Variants in SLC4A1AP observed in about 807,000 individuals in gnomAD.
SLC4A1AP encodes the protein kanadaptin.
In SLC4A1AP, 64 loss-of-function variants were observed where a neutral mutation model predicts 89.7. That is an observed-to-expected ratio of 0.71 (90% CI 0.58 to 0.88). The LOEUF (loss-of-function observed/expected upper bound fraction) is 0.88, where lower values mean the gene tolerates loss of function less well. SLC4A1AP is among the 40% of genes least tolerant of loss of function. The pLI is 0.00. For synonymous variants in SLC4A1AP, 366 were observed against 353.3 expected (o/e 1.04, Z -0.40); for missense variants, 931 against 965.0 (o/e 0.96, Z 0.47).
At chr2:27,669,181 C>T (rs1675381265) in intron 4 of SLC4A1AP, 67 bp from the exon 5 acceptor site, 1 of 1,477,714 alleles carries the variant, frequency 6.8e-7, no homozygotes, top group Non-Finnish European at 9.1e-7. Flanking sequence ...ATTATCATAG[C>T]ATAGTAGTTG....
chr2:27,670,852 C>G (rs575028896), intron 5 of SLC4A1AP, among the ~76,000 whole-genome samples: 27 of 151,490 alleles, frequency 1.8e-4, no homozygotes, highest in Admixed American at 3.9e-4. Flanking sequence ...CAGAGCAAGA[C>G]TCCGTCTCAA....
intron 8 of SLC4A1AP, among the ~76,000 whole-genome samples, chr2:27,680,037 T>C (rs1423665152): frequency 6.6e-6 from 1 of 152,096 alleles, no homozygotes; most frequent in East Asian, 1.9e-4. Context: ...CAACCCTTCA[T>C]TGGTCATAGG....
intron 4 of SLC4A1AP, 132 bp downstream of exon 4, chr2:27,669,035 G>T: frequency 9.3e-7 from 1 of 1,070,258 alleles, no homozygotes. Flanking sequence ...AGCCTTTATC[G>T]TTTAGTAACC....
At chr2:27,684,950 G>T in intron 9 of SLC4A1AP, 87 bp from the exon 10 acceptor site, 1 of 1,441,266 alleles carries the variant, frequency 6.9e-7, no homozygotes. Flanking sequence ...TAAACATTCA[G>T]TACATTTAGA....
At position 27,688,039 on chromosome 2, in the gene SLC4A1AP, T is replaced by A; in HGVS notation, c.2203+19T>A. On this transcript the variant is annotated intron_variant, in intron 11 of 13. Coordinates refer to ENST00000613058, the Ensembl canonical transcript of SLC4A1AP. ...CCCTCAGGCAAGTAGTACGGCAGCC[T>A]TCATTGCTGCTCTGCACACAGGTGG... The A allele has an allele frequency of 6.4e-7, 1 of 1,574,104 alleles. No homozygotes were observed. The highest frequency in any genetic ancestry group is 1.1e-5 in the South Asian group (1 of 90,552).
At chr2:27,676,497 ATAAAT>A (rs781326093) in intron 6 of SLC4A1AP, among the ~76,000 whole-genome samples, 18 of 152,198 alleles carry the variant, frequency 1.2e-4, no homozygotes, top group Non-Finnish European at 2.2e-4. Flanking sequence ...TAATTCAGAA[ATAAAT>A]TAAATTTGGA....
At chr2:27,664,494 C>G in exon 1 of SLC4A1AP, 1 of 1,614,190 alleles carries the variant, frequency 6.2e-7, no homozygotes, top group South Asian at 1.1e-5. Flanking sequence ...CAACAAAACT[C>G]GCATCCCACC....
chr2:27,667,431 A>G (rs554044918), intron 3 of SLC4A1AP, 41 bp downstream of exon 3: 4 of 1,565,352 alleles, frequency 2.6e-6, no homozygotes, highest in Non-Finnish European at 3.5e-6. Flanking sequence ...AAACATATCC[A>G]GAGCAGTGTG....
At chr2:27,664,206 C>T in exon 1 of SLC4A1AP, 1 of 1,614,072 alleles carries the variant, frequency 6.2e-7, no homozygotes, top group African/African-American at 1.3e-5. Flanking sequence ...AGCCCGGGCT[C>T]CCCCCTACCA....
intron 10 of SLC4A1AP, among the ~76,000 whole-genome samples, chr2:27,686,302 A>AG (rs1258201349): frequency 6.6e-6 from 1 of 152,202 alleles, no homozygotes; most frequent in East Asian, 1.9e-4. Flanking sequence ...CTTTTCAAAA[A>AG]GGTACTTACA....
intron 13 of SLC4A1AP, 143 bp downstream of exon 13, chr2:27,693,897 C>G: frequency 3.9e-6 from 2 of 517,932 alleles, no homozygotes; most frequent in South Asian, 1.1e-4. Flanking sequence ...CTTATTCAAA[C>G]AAACAACTGT....
chr2:27,675,817 AT>A (rs1295954873), intron 6 of SLC4A1AP, 125 bp downstream of exon 6: 1 of 613,384 alleles, frequency 1.6e-6, no homozygotes, highest in Non-Finnish European at 2.5e-6. Context: ...ATACTGAAGT[AT>A]AACTTTTGTG....
chr2:27,676,203 A>G (rs1675519664), intron 6 of SLC4A1AP, among the ~76,000 whole-genome samples: 1 of 152,220 alleles, frequency 6.6e-6, no homozygotes, highest in Admixed American at 6.5e-5. Context: ...TTAATAATGC[A>G]GAGCTTGACC....
chr2:27,669,177 A>G (rs1421850730), intron 4 of SLC4A1AP, 71 bp from the exon 5 acceptor site: 16 of 1,466,920 alleles, frequency 1.1e-5, no homozygotes, highest in Non-Finnish European at 1.3e-5. Flanking sequence ...GACTATTATC[A>G]TAGCATAGTA....
At chr2:27,683,239 ATGTC>A (rs1675648794) in intron 9 of SLC4A1AP, among the ~76,000 whole-genome samples, 1 of 152,144 alleles carries the variant, frequency 6.6e-6, no homozygotes, top group African/African-American at 2.4e-5. Context: ...CCTACAATAT[ATGTC>A]TGTCTGTATG....
chr2:27,688,631 G>T, intron 11 of SLC4A1AP, 69 bp from the exon 12 acceptor site: 1 of 981,564 alleles, frequency 1.0e-6, no homozygotes, highest in Non-Finnish European at 1.6e-6. Context: ...GTTCTTTTAG[G>T]AAGAATTTTG....
At chr2:27,676,595 G>A (rs768762592) in intron 6 of SLC4A1AP, among the ~76,000 whole-genome samples, 1 of 152,064 alleles carries the variant, frequency 6.6e-6, no homozygotes, top group Non-Finnish European at 1.5e-5. Flanking sequence ...GCTGAGGCCG[G>A]TGGATCACCT....
chr2:27,666,811 C>T (rs1459077404), intron 2 of SLC4A1AP, among the ~76,000 whole-genome samples: 5 of 151,808 alleles, frequency 3.3e-5, no homozygotes, highest in African/African-American at 9.7e-5. Flanking sequence ...GGTTGTTCCA[C>T]CCCCTGTCCC....
Position 27,675,632 on chromosome 2 carries a change from T to G in SLC4A1AP, c.1446T>G (p.Arg482=), listed in dbSNP as rs760031902. 5.0e-6 allele frequency: 8 copies of G among 1,609,676 alleles called. No homozygotes were observed. In the East Asian group the frequency reaches 1.1e-4, roughly 22 times the overall value. The change falls in exon 6 of 14, where the codon CGT becomes CGG. Residue 482 remains arginine (R), a synonymous_variant. Transcript: ENST00000613058. ...GGACTGGCCTGATTGAGAAGAAGCG[T>G]CTGAACAGAATGAAGAAGGCTGGCA...
Sources: allele counts gnomAD v4.1 joint callset (sites outside exome capture counted in the v4.1 genomes callset), GRCh38; gene constraint gnomAD v4.1.1; transcripts MANE v1.5; gene names NCBI Gene and HGNC (gene_info 2026-07-23, HGNC 2026-07-21).